Variants in B3GALT1 observed in about 807,000 individuals in gnomAD.
B3GALT1 encodes UDP-Gal:betaGlcNAc beta 1,3-galactosyltransferase, polypeptide 1.
In B3GALT1, 10 loss-of-function variants were observed where a neutral mutation model predicts 23.2. The observed-to-expected ratio is 0.43, with a 90% CI of 0.27 to 0.73. The LOEUF is 0.73. Ranked by LOEUF, B3GALT1 falls within the 30% of genes least tolerant of loss-of-function variation. The pLI is 0.21. For synonymous variants in B3GALT1, 156 were observed against 141.5 expected, an observed-to-expected ratio of 1.10 and a Z score of -0.73; for missense variants, 299 against 405.4, an observed-to-expected ratio of 0.74 and a Z score of 2.25.
At chr2:167,389,230 A>G (rs2105281307) in intron 1 of B3GALT1, among the ~76,000 whole-genome samples, 1 of 152,348 alleles carries the variant, frequency 6.6e-6, no homozygotes, top group East Asian at 1.9e-4. Flanking sequence ...TGTTGGATAA[A>G]AGATTTTGTC....
intron 1 of B3GALT1, among the ~76,000 whole-genome samples, chr2:167,428,539 A>G (rs1422447773): frequency 4.6e-5 from 7 of 152,152 alleles, no homozygotes; most frequent in Non-Finnish European, 7.4e-5. Flanking sequence ...TTAGCCAGGC[A>G]TGGTGGTAAG....
At chr2:167,374,866 A>T (rs1697738452) in intron 1 of B3GALT1, among the ~76,000 whole-genome samples, 1 of 150,900 alleles carries the variant, frequency 6.6e-6, no homozygotes, top group Non-Finnish European at 1.5e-5. Context: ...TCTTGTAAAT[A>T]TTTTTTTTTG....
At chr2:167,662,245 G>C (rs998767795) in intron 3 of B3GALT1, among the ~76,000 whole-genome samples, 1 of 152,196 alleles carries the variant, frequency 6.6e-6, no homozygotes, top group African/African-American at 2.4e-5. Flanking sequence ...TTGTCCACAA[G>C]TACTTTTTTT....
intron 1 of B3GALT1, among the ~76,000 whole-genome samples, chr2:167,384,807 G>A (rs560215906): frequency 6.6e-6 from 1 of 152,074 alleles, no homozygotes; most frequent in Admixed American, 6.6e-5. Flanking sequence ...GTTTTGATGT[G>A]ATCATCCCTC....
At chr2:167,491,715 T>C (rs1699713239) in intron 2 of B3GALT1, among the ~76,000 whole-genome samples, 1 of 151,608 alleles carries the variant, frequency 6.6e-6, no homozygotes. Context: ...CTCGGGAGGC[T>C]GAGGCAGGAG....
intron 3 of B3GALT1, among the ~76,000 whole-genome samples, chr2:167,710,041 C>T (rs1181051088): frequency 1.3e-5 from 2 of 151,698 alleles, no homozygotes; most frequent in African/African-American, 4.8e-5. Flanking sequence ...ACTGGGTACC[C>T]AGAAAAAAAA....
chr2:167,482,748 GA>G (rs1699576793), intron 1 of B3GALT1, among the ~76,000 whole-genome samples: 1 of 152,140 alleles, frequency 6.6e-6, no homozygotes, highest in Admixed American at 6.5e-5. Context: ...GCTGAGGCAG[GA>G]GAATCACTTG....
Position 167,299,028 on chromosome 2 carries a change from G to A in B3GALT1, c.-511+5694G>A, listed in dbSNP as rs532932783. 6.6e-5 allele frequency among the ~76,000 whole-genome samples: 10 copies of A among 152,148 alleles called. 1 individual carries two copies. The South Asian group carries it at 1.9e-3, about 28-fold the overall frequency. On this transcript the variant is annotated intron_variant, in intron 1 of 4. Coordinates refer to ENST00000392690, the MANE Select transcript of B3GALT1 (RefSeq NM_020981.4). ...TCTCTCAGAAAACACCTTCCACAGG[G>A]GTTTGAAGAGACATATCATTCTCCT... is the stretch of plus-strand genomic sequence containing the variant.
chr2:167,620,294 G>A (rs183818801), intron 2 of B3GALT1, among the ~76,000 whole-genome samples: 1 of 151,976 alleles, frequency 6.6e-6, no homozygotes, highest in Admixed American at 6.6e-5. Context: ...ACAAAGAGAA[G>A]GTAGCTAGAA....
At chr2:167,670,758 A>G (rs1048846263) in intron 3 of B3GALT1, among the ~76,000 whole-genome samples, 5 of 152,226 alleles carry the variant, frequency 3.3e-5, no homozygotes, top group African/African-American at 9.6e-5. Flanking sequence ...AGTAAGTGAA[A>G]TAAAAAATAC....
At chr2:167,462,684 G>C (rs1461811226) in intron 1 of B3GALT1, among the ~76,000 whole-genome samples, 6 of 152,134 alleles carry the variant, frequency 3.9e-5, no homozygotes, top group Admixed American at 3.3e-4. Context: ...TGAGGAGACA[G>C]GAATCGTAAT....
At chr2:167,332,797 CA>C (rs899182948) in intron 1 of B3GALT1, among the ~76,000 whole-genome samples, 27 of 152,268 alleles carry the variant, frequency 1.8e-4, no homozygotes, top group African/African-American at 6.3e-4. Context: ...AGAACAAATG[CA>C]AATCATCAAT....
At chr2:167,450,921 T>G (rs1026237063) in intron 1 of B3GALT1, among the ~76,000 whole-genome samples, 1 of 152,090 alleles carries the variant, frequency 6.6e-6, no homozygotes, top group African/African-American at 2.4e-5. Flanking sequence ...TTCGTTGGAT[T>G]ATGTTAATTC....
intron 2 of B3GALT1, among the ~76,000 whole-genome samples, chr2:167,564,779 C>A (rs1368904313): frequency 1.3e-5 from 2 of 152,184 alleles, no homozygotes; most frequent in African/African-American, 2.4e-5. Context: ...GAATAAAATA[C>A]CTAGGAATCC....
At chr2:167,604,019 C>T (rs1423671857) in intron 2 of B3GALT1, among the ~76,000 whole-genome samples, 1 of 151,254 alleles carries the variant, frequency 6.6e-6, no homozygotes, top group Non-Finnish European at 1.5e-5. Context: ...GAAAAATTGC[C>T]AGAAAAGAAA....
chr2:167,407,262 C>G (rs1057115045), intron 1 of B3GALT1, among the ~76,000 whole-genome samples: 2 of 151,682 alleles, frequency 1.3e-5, no homozygotes, highest in Non-Finnish European at 2.9e-5. Flanking sequence ...ATGAAGAACT[C>G]AAGAAGGAAA....
At chr2:167,307,387 T>A (rs1696567272) in intron 1 of B3GALT1, among the ~76,000 whole-genome samples, 1 of 152,092 alleles carries the variant, frequency 6.6e-6, no homozygotes, top group Non-Finnish European at 1.5e-5. Flanking sequence ...ATAGTTAATT[T>A]CAGAGAGACT....
intron 3 of B3GALT1, among the ~76,000 whole-genome samples, chr2:167,732,557 C>T (rs1007544495): frequency 2.6e-5 from 4 of 152,238 alleles, no homozygotes; most frequent in Non-Finnish European, 5.9e-5. Flanking sequence ...TGCTGCAGAA[C>T]AACCGCTTCC....
intron 2 of B3GALT1, among the ~76,000 whole-genome samples, chr2:167,633,815 G>C (rs1210478709): frequency 6.6e-6 from 1 of 152,046 alleles, no homozygotes; most frequent in East Asian, 1.9e-4. Context: ...GGATATTCAG[G>C]ACTTGAACTC....
Sources: gnomAD v4.1 joint callset for allele counts (sites outside exome capture counted in the v4.1 genomes callset) on GRCh38, gnomAD v4.1.1 for gene constraint, MANE v1.5 for transcripts, NCBI Gene and HGNC (gene_info 2026-07-23, HGNC 2026-07-21) for gene names.